LSR: variants seen among roughly 807,000 people sequenced by gnomAD.
LSR encodes lipolysis stimulated lipoprotein receptor.
LSR carries 44 observed loss-of-function variants against 61.8 expected under a neutral mutation model. The observed-to-expected ratio is 0.71, with a 90% CI of 0.56 to 0.91. The LOEUF is 0.91. Ranked by LOEUF, LSR falls within the 40% of genes least tolerant of loss-of-function variation. The pLI is 0.00. For missense variants in LSR, 911 were observed against 830.5 expected, an observed-to-expected ratio of 1.10 and a Z score of -1.19; for synonymous variants, 397 against 350.6, an observed-to-expected ratio of 1.13 and a Z score of -1.48.
chr19:35,259,236 C>G (rs780254175), intron 3 of LSR, 172 bp downstream of exon 3: 12 of 755,184 alleles, frequency 1.6e-5, no homozygotes, highest in Non-Finnish European at 2.4e-5. Context: ...GCCCTGCACC[C>G]CAGGCAGGGA....
At chr19:35,249,180 A>G (rs1393591076) in intron 1 of LSR, 49 bp downstream of exon 1, 4 of 1,506,470 alleles carry the variant, frequency 2.7e-6, no homozygotes, top group African/African-American at 1.4e-5. Flanking sequence ...AGGGAACTGT[A>G]GAGGGGGATG....
In LSR at chr19:35,267,072, C is replaced by G. The variant is rs1227603977; in HGVS notation, c.1145-37C>G. On this transcript the variant is annotated intron_variant, in intron 8 of 9. Transcript: ENST00000605618. ...CTTGGTGCAAACCCTGGACCCCGGGCTCCTCCAGCAGTCAGTGACACCCCC... is the reference window on the plus strand; with the variant it reads ...CTTGGTGCAAACCCTGGACCCCGGGGTCCTCCAGCAGTCAGTGACACCCCC... 4.6e-6 allele frequency: 7 copies of G among 1,528,990 alleles called. No homozygotes were observed. In the African/African-American group the frequency reaches 6.9e-5, roughly 15 times the overall value. The allele number at this position is 1,528,990 out of a possible 1,614,324, so 94.7% of individuals were successfully genotyped here.
intron 2 of LSR, among the ~76,000 whole-genome samples, chr19:35,252,608 C>T (rs556825622): frequency 1.9e-4 from 27 of 141,840 alleles, no homozygotes; most frequent in Admixed American, 1.6e-3. Flanking sequence ...GAGATCGCAC[C>T]ACTGTACTGC....
At position 35,267,477 on chromosome 19, in the gene LSR, G is replaced by A. The variant is rs1040031793; in HGVS notation, c.1513G>A (p.Asp505Asn). ...FPRSRDPHYD[D>N]FRSRERPPAD... ...ACGCTCCCGGGACCCCCACTACGAC[G>A]ACTTCAGGTCTCGGGAGCGCCCTCC... The change falls in exon 9 of 10, where the codon GAC becomes AAC. Residue 505 changes from aspartate (D) to asparagine (N), a missense_variant. Physicochemically the swap from Asp to Asn is conservative, Grantham distance 23 (BLOSUM62 1). Coordinates refer to ENST00000605618, the MANE Select transcript of LSR (RefSeq NM_205834.4). The A allele has an allele frequency of 5.0e-6, 8 of 1,611,016 alleles. No individual in the cohort carries two copies. The Admixed American group carries it at 5.0e-5, about 10-fold the overall frequency.
At chr19:35,255,478 G>A (rs2065844999) in intron 2 of LSR, among the ~76,000 whole-genome samples, 1 of 150,516 alleles carries the variant, frequency 6.6e-6, no homozygotes, top group Admixed American at 6.6e-5. Flanking sequence ...GGGGCTAGGG[G>A]CGGTGGCTCA....
intron 2 of LSR, among the ~76,000 whole-genome samples, chr19:35,258,060 G>C (rs943408428): frequency 6.6e-6 from 1 of 152,008 alleles, no homozygotes; most frequent in East Asian, 1.9e-4. Context: ...CCCATCCCTG[G>C]GGTCTACACT....
At chr19:35,259,282 A>C in intron 3 of LSR, 1 of 484,170 alleles carries the variant, frequency 2.1e-6, no homozygotes, top group Non-Finnish European at 3.6e-6. Context: ...ACCCAAGCCA[A>C]ACTAAGAGAA....
chr19:35,262,728 A>G lies in LSR; in HGVS notation c.778+36A>G, dbSNP rs1392750068. ...CGCTCATGGCCACCCTGGTTTGGGC[A>G]ACATCCTGCATCCAAGGGAAGGAGG... On this transcript the variant is annotated intron_variant, in intron 5 of 9. Coordinates refer to ENST00000605618, the MANE Select transcript of LSR (RefSeq NM_205834.4). 5 of 1,603,042 alleles carry G rather than the reference A, an allele frequency of 3.1e-6. No homozygotes were observed. The African/African-American group carries it at 5.3e-5, about 17-fold the overall frequency.
At chr19:35,266,651 G>A (rs560345701) in intron 6 of LSR, 28 bp from the exon 7 acceptor site, 22 of 1,601,454 alleles carry the variant, frequency 1.4e-5, no homozygotes, top group African/African-American at 1.2e-4. Context: ...CTCCTGGTGC[G>A]CGGCCACTGA....
In LSR at chr19:35,260,618, A is replaced by G. The variant is rs1346126694; in HGVS notation, c.575-1307A>G. 9.2e-5 allele frequency among the ~76,000 whole-genome samples: 14 copies of G among 152,280 alleles called. No homozygotes were observed. The East Asian group carries it at 2.3e-3, about 25-fold the overall frequency. On this transcript the variant is annotated intron_variant, in intron 3 of 9. Transcript: ENST00000605618. Reference sequence around the variant, plus strand: ...AAAATGGGGAGATTTTTCAAGCCCAAGATACACAAGGAAGACTGGGCAACA... The same window carrying G: ...AAAATGGGGAGATTTTTCAAGCCCAGGATACACAAGGAAGACTGGGCAACA...
intron 5 of LSR, among the ~76,000 whole-genome samples, chr19:35,265,830 C>T (rs1270055451): frequency 6.6e-6 from 1 of 152,178 alleles, no homozygotes; most frequent in Non-Finnish European, 1.5e-5. Flanking sequence ...GGGCAGGACC[C>T]ACGTCTCCCA....
rs1235194257 is a variant in LSR, at chr19:35,262,943, A to G, written c.778+251A>G. On this transcript the variant is annotated intron_variant, in intron 5 of 9. Coordinates refer to ENST00000605618, the MANE Select transcript of LSR (RefSeq NM_205834.4). ...ATCCATACACATGGTAAAAATGTCCAACAGTACAAGATACTAGTCACATGG... is the reference window on the plus strand; with the variant it reads ...ATCCATACACATGGTAAAAATGTCCGACAGTACAAGATACTAGTCACATGG... 7 of 505,074 alleles carry G rather than the reference A, an allele frequency of 1.4e-5. No homozygotes were observed. The Admixed American group carries it at 2.1e-4, about 16-fold the overall frequency. 31.3% of individuals were successfully genotyped at this position (505,074 alleles called of 1,614,324 possible).
rs769743471 is a variant in LSR, at chr19:35,250,568, C to T, written c.363C>T (p.Ser121=). The T allele has an allele frequency of 5.8e-5, 93 of 1,613,240 alleles. No homozygotes were observed. The East Asian group carries it at 1.9e-3, about 34-fold the overall frequency. The part of the protein sequence containing the change: ...GYNPYVECQD[S]VRTVRVVATK... ...ACCCCTACGTTGAGTGCCAGGACAG[C>T]GTGCGCACCGTCAGGGTCGTGGCCA... is the stretch of plus-strand genomic sequence containing the variant. The change falls in exon 2 of 10, where the codon AGC becomes AGT. Residue 121 remains serine (S), a synonymous_variant. Transcript: ENST00000605618.
rs1365917397 is a variant in LSR, at chr19:35,258,887, C to T, written c.455-58C>T. The T allele has an allele frequency of 7.5e-6, 12 of 1,610,240 alleles. No individual in the cohort carries two copies. The East Asian group carries it at 2.2e-4, about 30-fold the overall frequency. On this transcript the variant is annotated intron_variant, in intron 2 of 9. Coordinates refer to ENST00000605618, the MANE Select transcript of LSR (RefSeq NM_205834.4). ...GTGCTGGGAAGGGGTCTTTGGCCCT[C>T]CAGGGGTTAGGTGCCCCAGCCTCCA...
At position 35,250,586 on chromosome 19, in the gene LSR, C is replaced by G; in HGVS notation, c.381C>G (p.Val127=). Residue 127 remains valine (V), a synonymous_variant, in exon 2 of 10, where the codon GTC becomes GTG. Transcript: ENST00000605618. ...ECQDSVRTVR[V]VATKQGNAVT... is the part of the protein sequence containing the mutation. ...AGGACAGCGTGCGCACCGTCAGGGT[C>G]GTGGCCACCAAGCAGGGCAACGCTG... 1 of 1,611,684 alleles carries G rather than the reference C, an allele frequency of 6.2e-7. No individual in the cohort carries two copies. Among genetic ancestry groups the G allele is most frequent in the South Asian group, 1.1e-5 (1 of 90,884 alleles).
intron 5 of LSR, 95 bp from the exon 6 acceptor site, chr19:35,266,264 G>C: frequency 1.0e-6 from 1 of 981,260 alleles, no homozygotes; most frequent in Non-Finnish European, 1.5e-6. Context: ...GGCTTGGGAA[G>C]GAGGTCCAGG....
intron 1 of LSR, among the ~76,000 whole-genome samples, chr19:35,249,535 C>T (rs566770054): frequency 2.6e-5 from 4 of 152,128 alleles, no homozygotes; most frequent in African/African-American, 9.6e-5. Flanking sequence ...CAGACGCTTC[C>T]TAGAGGGACA....
Position 35,267,677 on chromosome 19 carries a change from G to A in LSR, c.1713G>A (p.Ala571=), listed in dbSNP as rs763924203. 1 of 1,604,588 alleles carries A rather than the reference G, an allele frequency of 6.2e-7. No individual in the cohort carries two copies. The highest frequency in any genetic ancestry group is 2.2e-5 in the East Asian group (1 of 44,750). The change falls in exon 9 of 10, where the codon GCG becomes GCA. Residue 571 remains alanine, a synonymous_variant. Coordinates refer to ENST00000605618, the MANE Select transcript of LSR (RefSeq NM_205834.4). The part of the protein sequence containing the change: ...EEEEEAYYPP[A]PPPYSETDSQ... Reference sequence around the variant, plus strand: ...AGGAAGAGGCCTACTACCCGCCCGCGCCGCCCCCGTACTCGGAGACCGACT... The same window carrying A: ...AGGAAGAGGCCTACTACCCGCCCGCACCGCCCCCGTACTCGGAGACCGACT...
chr19:35,249,468 G>T, intron 1 of LSR: 1 of 325,358 alleles, frequency 3.1e-6, no homozygotes, highest in Non-Finnish European at 5.6e-6. Flanking sequence ...GGACTTGGGC[G>T]CACCCGGGGA....
Sources: gnomAD v4.1 joint callset for allele counts (sites outside exome capture counted in the v4.1 genomes callset) on GRCh38, gnomAD v4.1.1 for gene constraint, MANE v1.5 for transcripts, NCBI Gene and HGNC (gene_info 2026-07-23, HGNC 2026-07-21) for gene names.